DCC: variants seen among roughly 807,000 people sequenced by gnomAD.
DCC encodes the protein DCC netrin 1 receptor.
In DCC, 58 loss-of-function variants were observed where a neutral mutation model predicts 172.5. The observed-to-expected ratio is 0.34, with a 90% CI of 0.27 to 0.42. The LOEUF (loss-of-function observed/expected upper bound fraction) is 0.42, where lower values mean the gene tolerates loss of function less well. Ranked by LOEUF, DCC falls within the 10% of genes least tolerant of loss-of-function variation. The pLI, the probability that DCC is intolerant of heterozygous loss-of-function variation, is 1.00. For synonymous variants in DCC, 709 were observed against 644.5 expected (o/e 1.10, Z -1.52); for missense variants, 1,740 against 1,791.0 (o/e 0.97, Z 0.51).
chr18:52,380,150 C>A (rs1480540170), intron 1 of DCC, among the ~76,000 whole-genome samples: 1 of 152,042 alleles, frequency 6.6e-6, no homozygotes, highest in Non-Finnish European at 1.5e-5. Flanking sequence ...CTAATCCATT[C>A]ATGATGGAGG....
intron 25 of DCC, among the ~76,000 whole-genome samples, chr18:53,468,236 A>C (rs1220936517): frequency 1.3e-5 from 2 of 151,810 alleles, no homozygotes; most frequent in Non-Finnish European, 2.9e-5. Flanking sequence ...AAACAGATGG[A>C]TATATATTTA....
intron 1 of DCC, among the ~76,000 whole-genome samples, chr18:52,733,811 T>C (rs548743707): frequency 8.0e-4 from 122 of 152,234 alleles, no homozygotes; most frequent in Non-Finnish European, 1.5e-3. Flanking sequence ...TGGCATTTTA[T>C]CCACACCGAA....
chr18:53,024,912 C>A (rs1346149149), intron 5 of DCC, among the ~76,000 whole-genome samples: 1 of 152,072 alleles, frequency 6.6e-6, no homozygotes, highest in Non-Finnish European at 1.5e-5. Context: ...ACCTCTTTGA[C>A]CTACCATCTT....
chr18:53,359,389 C>T (rs1366324383), intron 15 of DCC, among the ~76,000 whole-genome samples: 1 of 151,956 alleles, frequency 6.6e-6, no homozygotes, highest in Non-Finnish European at 1.5e-5. Flanking sequence ...CTTTCTTATG[C>T]TTTTTTGTTT....
chr18:52,351,806 T>C (rs983838912), intron 1 of DCC, among the ~76,000 whole-genome samples: 10 of 152,218 alleles, frequency 6.6e-5, no homozygotes, highest in African/African-American at 2.4e-4. Context: ...CCTATTACTA[T>C]TTCTTAAAAA....
intron 2 of DCC, among the ~76,000 whole-genome samples, chr18:52,795,052 CATCTGT>C (rs1423552699): frequency 3.3e-5 from 5 of 151,812 alleles, no homozygotes; most frequent in Admixed American, 3.3e-4. Context: ...AGGTTTTTTG[CATCTGT>C]ATTGATCAGA....
intron 2 of DCC, among the ~76,000 whole-genome samples, chr18:52,761,270 A>G (rs1164921689): frequency 6.6e-6 from 1 of 152,192 alleles, no homozygotes; most frequent in Non-Finnish European, 1.5e-5. Flanking sequence ...TGAGAACAGT[A>G]TGGGAAAGAC....
intron 2 of DCC, among the ~76,000 whole-genome samples, chr18:52,801,711 T>C (rs1343417472): frequency 6.6e-6 from 1 of 152,228 alleles, no homozygotes; most frequent in Non-Finnish European, 1.5e-5. Flanking sequence ...CCCTTCATTT[T>C]GCAGAGTATC....
chr18:53,178,453 G>C (rs956112606), intron 8 of DCC, among the ~76,000 whole-genome samples: 7 of 152,082 alleles, frequency 4.6e-5, no homozygotes, highest in Admixed American at 1.3e-4. Flanking sequence ...GTAACCACAG[G>C]GACTCAGGCT....
chr18:53,389,790 C>T (rs1599096661), intron 16 of DCC, among the ~76,000 whole-genome samples: 1 of 152,152 alleles, frequency 6.6e-6, no homozygotes, highest in East Asian at 1.9e-4. Context: ...GAATAGTATA[C>T]CCATTTAAGA....
At chr18:52,806,697 T>G (rs2038091695) in intron 2 of DCC, among the ~76,000 whole-genome samples, 3 of 152,338 alleles carry the variant, frequency 2.0e-5, no homozygotes, top group Middle Eastern at 3.4e-3. Flanking sequence ...CCTTTCTTTC[T>G]GTCACTTTAT....
chr18:52,868,989 T>C (rs994965789), intron 2 of DCC, among the ~76,000 whole-genome samples: 3 of 152,214 alleles, frequency 2.0e-5, no homozygotes, highest in African/African-American at 7.2e-5. Context: ...TCACCTGGAA[T>C]ACTGGAGATG....
chr18:52,938,289 G>C (rs1225355260), intron 5 of DCC, among the ~76,000 whole-genome samples: 1 of 152,120 alleles, frequency 6.6e-6, no homozygotes, highest in East Asian at 1.9e-4. Context: ...AAGCAAGACA[G>C]TGAGATTTAT....
intron 1 of DCC, among the ~76,000 whole-genome samples, chr18:52,610,427 A>AT (rs1288330487): frequency 6.7e-6 from 1 of 148,472 alleles, no homozygotes; most frequent in Non-Finnish European, 1.5e-5. Flanking sequence ...AAAGAAAAAA[A>AT]AAAACACCTA....
At chr18:52,831,573 G>T (rs979494953) in intron 2 of DCC, among the ~76,000 whole-genome samples, 1 of 152,108 alleles carries the variant, frequency 6.6e-6, no homozygotes, top group Non-Finnish European at 1.5e-5. Context: ...AGAATTTGAT[G>T]ACAGATTAGA....
At chr18:52,933,032 CCT>C (rs1009894017) in intron 5 of DCC, among the ~76,000 whole-genome samples, 165 of 152,110 alleles carry the variant, frequency 1.1e-3, no homozygotes, top group African/African-American at 3.9e-3. Context: ...GTTAAATACC[CCT>C]GTTAAACATT....
intron 5 of DCC, among the ~76,000 whole-genome samples, chr18:53,010,963 C>T (rs1186399368): frequency 2.6e-5 from 4 of 151,256 alleles, no homozygotes; most frequent in African/African-American, 9.6e-5. Context: ...GGATACTCTT[C>T]ATTTTAATTG....
intron 23 of DCC, among the ~76,000 whole-genome samples, chr18:53,458,546 A>C (rs2145164504): frequency 6.6e-6 from 1 of 152,362 alleles, no homozygotes; most frequent in Admixed American, 6.5e-5. Context: ...TTATCACCCC[A>C]AAAATAAATT....
intron 14 of DCC, among the ~76,000 whole-genome samples, chr18:53,334,907 A>G (rs1427637083): frequency 6.6e-6 from 1 of 152,146 alleles, no homozygotes; most frequent in South Asian, 2.1e-4. Flanking sequence ...GGATGTACAA[A>G]TATTTGTTTG....
Sources: allele counts gnomAD v4.1 joint callset (sites outside exome capture counted in the v4.1 genomes callset), GRCh38; gene constraint gnomAD v4.1.1; transcripts MANE v1.5; gene names NCBI Gene and HGNC (gene_info 2026-07-23, HGNC 2026-07-21).